The following TMEM154 variants were observed in gnomAD, a reference collection of about 807,000 sequenced individuals.
TMEM154 encodes transmembrane protein 154.
Under a neutral mutation model 24.5 loss-of-function variants are expected in TMEM154, and 27 were observed. The observed-to-expected ratio is 1.10, with a 90% CI of 0.81 to 1.52. The LOEUF is 1.52. TMEM154 is among the 40% of genes most tolerant of loss of function. The pLI is 0.00. For synonymous variants in TMEM154, 67 were observed against 76.8 expected, an observed-to-expected ratio of 0.87 and a Z score of 0.67; for missense variants, 228 against 213.4, an observed-to-expected ratio of 1.07 and a Z score of -0.43.
intron 1 of TMEM154, among the ~76,000 whole-genome samples, chr4:152,653,478 C>T (rs965116070): frequency 6.6e-6 from 1 of 151,024 alleles, no homozygotes; most frequent in East Asian, 2.0e-4. Context: ...CAACCTCCAC[C>T]TCCTGGGTTC....
chr4:152,629,088 C>A (rs1342373867), intron 6 of TMEM154, among the ~76,000 whole-genome samples: 14 of 152,188 alleles, frequency 9.2e-5, no homozygotes, highest in Admixed American at 9.2e-4. Context: ...TATATCTGAT[C>A]CCTGAGGAAG....
intron 1 of TMEM154, 116 bp downstream of exon 1, chr4:152,679,754 A>G (rs768222119): frequency 6.5e-4 from 940 of 1,445,870 alleles, no homozygotes; most frequent in Non-Finnish European, 8.6e-4. Flanking sequence ...CACTTCTTTC[A>G]CAGAAAGGAT....
chr4:152,654,887 G>T (rs966505177), intron 1 of TMEM154, among the ~76,000 whole-genome samples: 4 of 152,194 alleles, frequency 2.6e-5, no homozygotes, highest in African/African-American at 9.7e-5. Flanking sequence ...TTGATTGTAT[G>T]AATAAATACT....
intron 1 of TMEM154, among the ~76,000 whole-genome samples, chr4:152,676,897 C>T (rs4696335): frequency 0.94 from 143,197 of 152,222 alleles, 67,819 homozygotes; most frequent in East Asian, 1. Context: ...TCATGGCCTT[C>T]AGCTCTCCCT....
rs1234831816 is a variant in TMEM154 at position 152,661,231 on chromosome 4, C to G, written c.65-8304G>C. On this transcript the variant is annotated intron_variant, in intron 1 of 6. Transcript: ENST00000304385. ...TTCTGCATTAAGCATCATTTGCTCT[C>G]TCAGATTCTCTAGTGGCTATTTAAA... Among the ~76,000 whole-genome samples, 3 of 150,684 alleles carry G rather than the reference C, an allele frequency of 2.0e-5. No homozygotes were observed. In the East Asian group the frequency reaches 5.9e-4, roughly 30 times the overall value.
At chr4:152,661,485 G>A (rs1274088046) in intron 1 of TMEM154, among the ~76,000 whole-genome samples, 4 of 152,094 alleles carry the variant, frequency 2.6e-5, no homozygotes, top group Non-Finnish European at 5.9e-5. Context: ...TACAGATGAA[G>A]AAACTGAATC....
chr4:152,674,506 G>A lies in TMEM154; in HGVS notation c.64+5364C>T, dbSNP rs115729135. Among the ~76,000 whole-genome samples the A allele has an allele frequency of 2.2e-3, 342 of 152,146 alleles. 1 individual carries two copies. Among genetic ancestry groups the A allele is most frequent in the Middle Eastern group, 0.01 (3 of 292 alleles). On this transcript the variant is annotated intron_variant, in intron 1 of 6. Coordinates refer to ENST00000304385, the MANE Select transcript of TMEM154 (RefSeq NM_152680.3). ...GTCTCCTTGGTTACCTACTTCTGGC[G>A]CCTGGCTTGCTCCACTGCCGGCTCT...
intron 1 of TMEM154, among the ~76,000 whole-genome samples, chr4:152,675,156 C>CAAA (rs368552348): frequency 2.8e-3 from 232 of 82,576 alleles, no homozygotes; most frequent in Non-Finnish European, 3.1e-3. Context: ...GGCTCCATCT[C>CAAA]AAAAAAAAAA....
Position 152,628,577 on chromosome 4 carries a change from A to AG in TMEM154, c.537-17_537-16insC. The AG allele has an allele frequency of 8.5e-7, 1 of 1,179,822 alleles. No individual in the cohort carries two copies. The highest frequency in any genetic ancestry group is 3.8e-5 in the East Asian group (1 of 26,464). The allele number at this position is 1,179,822 out of a possible 1,614,324, so 73.1% of individuals were successfully genotyped here. On this transcript the variant is annotated splice_polypyrimidine_tract_variant and intron_variant, in intron 6 of 6. Coordinates refer to ENST00000304385, the MANE Select transcript of TMEM154 (RefSeq NM_152680.3). ...TTCACTGTCACTGTAAAAAAAAAAA[A>AG]AAAAAAAAAAAAAAACAAAAAAAAC...
Position 152,652,868 on chromosome 4 carries a change from TA to T in TMEM154, c.123del (p.Asn41LysfsTer3), listed in dbSNP as rs755736238. 3 of 1,613,758 alleles carry T rather than the reference TA, an allele frequency of 1.9e-6. No individual in the cohort carries two copies. Among genetic ancestry groups the T allele is most frequent in the Non-Finnish European group, 1.7e-6 (2 of 1,179,908 alleles). On this transcript the variant is annotated frameshift_variant, in exon 2 of 7. Coordinates refer to ENST00000304385, the MANE Select transcript of TMEM154 (RefSeq NM_152680.3). LOFTEE classifies it high-confidence loss of function. Reference protein sequence around the residue: ...GDTTVESERPNKVTIPSTFAA... With the variant: ...GDTTVESERPXKVTIPSTFAA... ...GCAAATGTGCTTGGAATAGTCACTTTATTTGGTCTTTCAGATTCCACAGTTG... is the reference window on the plus strand; with the variant it reads ...GCAAATGTGCTTGGAATAGTCACTTTTTTGGTCTTTCAGATTCCACAGTTG...
chr4:152,661,316 CTCTCTCTCTCTCTCTCTCTCTCTCT>C (rs1728603361), intron 1 of TMEM154, among the ~76,000 whole-genome samples: 1 of 147,526 alleles, frequency 6.8e-6, no homozygotes, highest in African/African-American at 2.5e-5. Context: ...CTCTCTCTCT[CTCTCTCTCTCTCTCTCTCTCTCTCT>C]CCCCCCAACT....
intron 6 of TMEM154, among the ~76,000 whole-genome samples, chr4:152,636,752 C>T (rs975018512): frequency 2.6e-5 from 4 of 152,104 alleles, no homozygotes; most frequent in Non-Finnish European, 4.4e-5. Context: ...GCATGGTGGT[C>T]GTAGGTTCTA....
At chr4:152,645,172 A>C (rs534266553) in intron 3 of TMEM154, among the ~76,000 whole-genome samples, 1 of 152,148 alleles carries the variant, frequency 6.6e-6, no homozygotes, top group African/African-American at 2.4e-5. Flanking sequence ...ACAAAGGGGC[A>C]GGGATCGTGT....
chr4:152,656,068 C>G (rs1210661724), intron 1 of TMEM154, among the ~76,000 whole-genome samples: 1 of 152,168 alleles, frequency 6.6e-6, no homozygotes, highest in Non-Finnish European at 1.5e-5. Context: ...ACTACCCACT[C>G]TGCTGCCACC....
At chr4:152,678,311 T>A (rs373766798) in intron 1 of TMEM154, among the ~76,000 whole-genome samples, 43 of 151,950 alleles carry the variant, frequency 2.8e-4, no homozygotes, top group African/African-American at 9.7e-4. Flanking sequence ...TCTTTTTGCA[T>A]CTCCTGAATT....
chr4:152,660,857 CG>C (rs1480046545), intron 1 of TMEM154, among the ~76,000 whole-genome samples: 1 of 152,178 alleles, frequency 6.6e-6, no homozygotes, highest in African/African-American at 2.4e-5. Flanking sequence ...AGCTCAGATG[CG>C]TTGCCAGAAA....
chr4:152,626,723 A>T lies in TMEM154; in HGVS notation c.*1823T>A, dbSNP rs1172583341. 6.6e-6 allele frequency: 1 copy of T among 152,198 alleles called. No individual in the cohort carries two copies. The highest frequency in any genetic ancestry group is 1.5e-5 in the Non-Finnish European group (1 of 68,032). 9.4% of individuals were successfully genotyped at this position (152,198 alleles called of 1,614,324 possible). A position where few individuals can be genotyped will look rare whatever the true frequency, so the allele number is the denominator to read the frequency against. On this transcript the variant is annotated 3_prime_UTR_variant, in exon 7 of 7. Coordinates refer to ENST00000304385, the MANE Select transcript of TMEM154 (RefSeq NM_152680.3). The stretch of plus-strand genomic sequence containing the variant: ...AGGGTTGGATCAAATGTAAAGGCCC[A>T]GGTGTTCAAAGATCTTAGATACCTA...
intron 5 of TMEM154, among the ~76,000 whole-genome samples, chr4:152,641,749 G>A (rs1039318375): frequency 1.4e-5 from 2 of 143,844 alleles, no homozygotes; most frequent in African/African-American, 5.2e-5. Flanking sequence ...CGAGACTCCT[G>A]AAGGACTATC....
chr4:152,675,747 G>A (rs1728942525), intron 1 of TMEM154, among the ~76,000 whole-genome samples: 3 of 152,176 alleles, frequency 2.0e-5, no homozygotes. Context: ...TCTACCCTCG[G>A]ACCAGTAGTG....
Sources: allele counts gnomAD v4.1 joint callset (sites outside exome capture counted in the v4.1 genomes callset), GRCh38; gene constraint gnomAD v4.1.1; transcripts MANE v1.5; gene names NCBI Gene and HGNC (gene_info 2026-07-23, HGNC 2026-07-21).